ST8SIA3: variants seen among roughly 807,000 people sequenced by gnomAD.
ST8SIA3 encodes the protein ST8 alpha-N-acetyl-neuraminide alpha-2,8-sialyltransferase 3, also known as alpha-N-acetylneuraminate alpha-2,8-sialyltransferase ST8SIA3.
Under a neutral mutation model 34.5 loss-of-function variants are expected in ST8SIA3, and 17 were observed. The observed-to-expected ratio is 0.49, with a 90% CI of 0.34 to 0.74. The LOEUF (loss-of-function observed/expected upper bound fraction) is 0.74. ST8SIA3 is among the 30% of genes least tolerant of loss of function. The probability of loss-of-function intolerance (pLI) is 0.01; values close to 1 mark genes in which losing one functional copy is unlikely to be tolerated. For missense variants in ST8SIA3, 354 were observed against 467.8 expected (o/e 0.76, Z 2.24); for synonymous variants, 172 against 176.1 (o/e 0.98, Z 0.19).
chr18:57,360,302 T>A lies in ST8SIA3; in HGVS notation c.*25T>A, dbSNP rs752678818. 1.0e-5 allele frequency: 16 copies of A among 1,600,942 alleles called. No individual in the cohort carries two copies. The highest frequency in any genetic ancestry group is 3.4e-4 in the Middle Eastern group (2 of 5,900). ...AGAACTCCAAACGGAAAGCGCCAAA[T>A]GGCTGTTTAAAAAGTGCCCCAAATC... is the stretch of plus-strand genomic sequence containing the variant. On this transcript the variant is annotated 3_prime_UTR_variant, in exon 4 of 4. Transcript: ENST00000324000.
intron 2 of ST8SIA3, among the ~76,000 whole-genome samples, chr18:57,355,209 T>C (rs1051908573): frequency 6.6e-6 from 1 of 152,234 alleles, no homozygotes; most frequent in Non-Finnish European, 1.5e-5. Flanking sequence ...TGAGATTTGT[T>C]CAAATGTATT....
In ST8SIA3 at chr18:57,360,103, G is replaced by A. The variant is rs1153626; in HGVS notation, c.969G>A (p.Pro323=). Residue 323 remains proline, a synonymous_variant, in exon 4 of 4, where the codon CCG becomes CCA. Coordinates refer to ENST00000324000, the MANE Select transcript of ST8SIA3 (RefSeq NM_015879.3). Reference sequence around the variant, plus strand: ...AGATCCACTTGTATGGATTTTGGCCGTTTGGATTTGACCCCAACACAAGGG... The same window carrying A: ...AGATCCACTTGTATGGATTTTGGCCATTTGGATTTGACCCCAACACAAGGG... ...CEEIHLYGFW[P]FGFDPNTRED... The A allele has an allele frequency of 7.4e-5, 120 of 1,613,932 alleles. No individual in the cohort carries two copies. Among genetic ancestry groups the A allele is most frequent in the South Asian group, 1.5e-4 (14 of 91,084 alleles).
chr18:57,354,630 T>A, intron 2 of ST8SIA3, 106 bp downstream of exon 2: 2 of 1,333,056 alleles, frequency 1.5e-6, no homozygotes, highest in South Asian at 1.3e-5. Context: ...AACAAACATC[T>A]ATACGCCCCA....
In ST8SIA3 at chr18:57,362,112, CAATAT is replaced by C. The variant is rs1286301286; in HGVS notation, c.*1839_*1843del. 14 of 152,120 alleles carry C rather than the reference CAATAT, an allele frequency of 9.2e-5. No homozygotes were observed. The highest frequency in any genetic ancestry group is 6.6e-4 in the Admixed American group (10 of 15,264). The allele number at this position is 152,120 out of a possible 1,614,324, so 9.4% of individuals were successfully genotyped here. ...GTGTTACCAATTATGACACACATTA[CAATAT>C]AATTATAAGGGGAGACATTAAAAAC... On this transcript the variant is annotated 3_prime_UTR_variant, in exon 4 of 4. Transcript: ENST00000324000.
At position 57,360,001 on chromosome 18, in the gene ST8SIA3, G is replaced by A. The variant is rs867624449; in HGVS notation, c.867G>A (p.Trp289Ter). The change falls in exon 4 of 4, where the codon TGG becomes TGA. Residue 289 changes from tryptophan (W) to a stop codon, truncating the protein, a stop_gained. Transcript: ENST00000324000. LOFTEE classifies it high-confidence loss of function. The part of the protein sequence containing the change: ...GNIMQHVNRY[W>*]KNKHLSPKRL... The stretch of plus-strand genomic sequence containing the variant: ...TGTACTTATTGTTCCACAGGTACTG[G>A]AAAAACAAACATTTGTCACCTAAAC... 4.3e-6 allele frequency: 7 copies of A among 1,611,068 alleles called. No homozygotes were observed. The highest frequency in any genetic ancestry group is 5.9e-6 in the Non-Finnish European group (7 of 1,177,484).
chr18:57,362,237 C>T lies in ST8SIA3; in HGVS notation c.*1960C>T, dbSNP rs1165924167. 1 of 152,218 alleles carries T rather than the reference C, an allele frequency of 6.6e-6. No homozygotes were observed. Among genetic ancestry groups the T allele is most frequent in the African/African-American group, 2.4e-5 (1 of 41,456 alleles). The allele number at this position is 152,218 out of a possible 1,614,324, so 9.4% of individuals were successfully genotyped here. Reference sequence around the variant, plus strand: ...AGAGGACTGTACTACCATCCTCACACTGTGCTCTGTTGGGATCACTGAGAG... The same window carrying T: ...AGAGGACTGTACTACCATCCTCACATTGTGCTCTGTTGGGATCACTGAGAG... On this transcript the variant is annotated 3_prime_UTR_variant, in exon 4 of 4. Transcript: ENST00000324000.
intron 1 of ST8SIA3, among the ~76,000 whole-genome samples, chr18:57,353,335 A>G (rs2144196590): frequency 6.6e-6 from 1 of 151,938 alleles, no homozygotes; most frequent in Non-Finnish European, 1.5e-5. Context: ...GTGGAGGGAA[A>G]GACGGTGTGT....
rs1203073759 is a variant in ST8SIA3, at chr18:57,352,681, C to T, written c.-166C>T. 4.0e-6 allele frequency: 1 copy of T among 250,326 alleles called. No homozygotes were observed. 15.5% of individuals were successfully genotyped at this position (250,326 alleles called of 1,614,324 possible). ...CAGCCCCAACCCCCGGCCCCGGTGG[C>T]CTCCCCCCACCCCCGCCCGGGTCCC... On this transcript the variant is annotated 5_prime_UTR_variant, in exon 1 of 4. Coordinates refer to ENST00000324000, the MANE Select transcript of ST8SIA3 (RefSeq NM_015879.3).
intron 1 of ST8SIA3, among the ~76,000 whole-genome samples, chr18:57,353,352 G>T (rs1257035932): frequency 6.6e-6 from 1 of 152,102 alleles, no homozygotes; most frequent in Non-Finnish European, 1.5e-5. Flanking sequence ...GTGTTTGTTC[G>T]GGAGGGGGCG....
rs2049826733 is a variant in ST8SIA3, at chr18:57,360,916, A to T, written c.*639A>T. The T allele has an allele frequency of 6.6e-6, 1 of 152,442 alleles. No homozygotes were observed. Among genetic ancestry groups the T allele is most frequent in the African/African-American group, 2.4e-5 (1 of 41,450 alleles). 9.4% of individuals were successfully genotyped at this position (152,442 alleles called of 1,614,324 possible). ...TGGGTAACTTTGATGCTTCATGACA[A>T]AATAGGCAAATCACGATGGACTCCC... On this transcript the variant is annotated 3_prime_UTR_variant, in exon 4 of 4. Coordinates refer to ENST00000324000, the MANE Select transcript of ST8SIA3 (RefSeq NM_015879.3).
In ST8SIA3 at chr18:57,361,043, G is replaced by T. The variant is rs1272730595; in HGVS notation, c.*766G>T. ...CCCTCTGTGGTGAGTGGGATATAAGGCAGTGCATCTTTCATGATCACAAAG... is the reference window on the plus strand; with the variant it reads ...CCCTCTGTGGTGAGTGGGATATAAGTCAGTGCATCTTTCATGATCACAAAG... On this transcript the variant is annotated 3_prime_UTR_variant, in exon 4 of 4. Coordinates refer to ENST00000324000, the MANE Select transcript of ST8SIA3 (RefSeq NM_015879.3). 2.6e-5 allele frequency: 4 copies of T among 152,168 alleles called. No homozygotes were observed. Among genetic ancestry groups the T allele is most frequent in the Non-Finnish European group, 1.5e-5 (1 of 68,058 alleles). The allele number at this position is 152,168 out of a possible 1,614,324, so 9.4% of individuals were successfully genotyped here.
At chr18:57,358,869 G>C (rs2049813541) in intron 3 of ST8SIA3, among the ~76,000 whole-genome samples, 1 of 152,164 alleles carries the variant, frequency 6.6e-6, no homozygotes, top group South Asian at 2.1e-4. Flanking sequence ...TTCAATTTAA[G>C]TTTGTCTATA....
Position 57,363,436 on chromosome 18 carries a change from C to T in ST8SIA3, c.*3159C>T, listed in dbSNP as rs986169296. ...AGTGTCTGTGAATATTGTAAAAGTG[C>T]TGTATGTTTAGTAGTGTTGTGTGCC... On this transcript the variant is annotated 3_prime_UTR_variant, in exon 4 of 4. Transcript: ENST00000324000. The T allele has an allele frequency of 2.0e-5, 3 of 152,234 alleles. No homozygotes were observed. Among genetic ancestry groups the T allele is most frequent in the Non-Finnish European group, 4.4e-5 (3 of 68,044 alleles). The allele number at this position is 152,234 out of a possible 1,614,324, so 9.4% of individuals were successfully genotyped here.
Position 57,368,341 on chromosome 18 carries a change from T to C in ST8SIA3, c.*8064T>C, listed in dbSNP as rs1364181769. ...GAGGAGCAAAGCTCTTTAAGAGTAA[T>C]GATGAAACCAAAAGGTCAAAAAGTA... On this transcript the variant is annotated 3_prime_UTR_variant, in exon 4 of 4. Coordinates refer to ENST00000324000, the MANE Select transcript of ST8SIA3 (RefSeq NM_015879.3). 1.3e-5 allele frequency: 2 copies of C among 152,178 alleles called. No individual in the cohort carries two copies. Among genetic ancestry groups the C allele is most frequent in the Non-Finnish European group, 2.9e-5 (2 of 68,036 alleles). The allele number at this position is 152,178 out of a possible 1,614,324, so 9.4% of individuals were successfully genotyped here.
intron 1 of ST8SIA3, among the ~76,000 whole-genome samples, chr18:57,353,391 A>AGCGCCCTCCCC (rs1403785197): frequency 5.3e-5 from 8 of 151,722 alleles, no homozygotes; most frequent in African/African-American, 1.7e-4. Context: ...GCGTGAGGGG[A>AGCGCCCTCCCC]GCGCCCTCCC....
Position 57,360,347 on chromosome 18 carries a change from A to G in ST8SIA3, c.*70A>G, listed in dbSNP as rs1253625921. On this transcript the variant is annotated 3_prime_UTR_variant, in exon 4 of 4. Transcript: ENST00000324000. The stretch of plus-strand genomic sequence containing the variant: ...CAAATCAAATTGAATAGCCTTCAGA[A>G]TAGAACCCTAGAGAATGTCTTATAA... 7.0e-7 allele frequency: 1 copy of G among 1,419,516 alleles called. No individual in the cohort carries two copies. The highest frequency in any genetic ancestry group is 9.6e-7 in the Non-Finnish European group (1 of 1,040,298). 87.9% of individuals were successfully genotyped at this position (1,419,516 alleles called of 1,614,324 possible). A position where few individuals can be genotyped will look rare whatever the true frequency, so the allele number is the denominator to read the frequency against.
chr18:57,354,308 A>T, intron 1 of ST8SIA3, 94 bp from the exon 2 acceptor site: 1 of 1,542,806 alleles, frequency 6.5e-7, no homozygotes, highest in Non-Finnish European at 8.8e-7. Flanking sequence ...CACGCGTACC[A>T]GCCGCCCTCG....
chr18:57,354,705 C>A (rs3745061), intron 2 of ST8SIA3, among the ~76,000 whole-genome samples, 181 bp downstream of exon 2: 6,632 of 151,966 alleles, frequency 0.044, 600 homozygotes, highest in East Asian at 0.37. Context: ...TGATCAGGAA[C>A]CTTCTCCTGT....
At position 57,364,946 on chromosome 18, in the gene ST8SIA3, CTTG is replaced by C. The variant is rs1446971836; in HGVS notation, c.*4676_*4678del. 8 of 152,298 alleles carry C rather than the reference CTTG, an allele frequency of 5.3e-5. No individual in the cohort carries two copies. The highest frequency in any genetic ancestry group is 2.0e-4 in the Admixed American group (3 of 15,292). 9.4% of individuals were successfully genotyped at this position (152,298 alleles called of 1,614,324 possible). A position where few individuals can be genotyped will look rare whatever the true frequency, so the allele number is the denominator to read the frequency against. On this transcript the variant is annotated 3_prime_UTR_variant, in exon 4 of 4. Transcript: ENST00000324000. ...GATGTTCCTCAGTGAAGCCTATTCT[CTTG>C]TTGTTGATGACAGTGGCATCAGAGT... is the stretch of plus-strand genomic sequence containing the variant.
Sources: gnomAD v4.1 joint callset for allele counts (sites outside exome capture counted in the v4.1 genomes callset) on GRCh38, gnomAD v4.1.1 for gene constraint, MANE v1.5 for transcripts, NCBI Gene and HGNC (gene_info 2026-07-23, HGNC 2026-07-21) for gene names.